Variants in DMD observed in about 807,000 individuals in gnomAD.
DMD encodes the protein dystrophin, also known as mutant dystrophin.
In DMD, 63 loss-of-function variants were observed where a neutral mutation model predicts 330.1. The ratio of observed to expected loss-of-function variants is 0.19; its 90% CI spans 0.16 to 0.24. The LOEUF (loss-of-function observed/expected upper bound fraction) is 0.24, where lower values mean the gene tolerates loss of function less well. Among genes scored for constraint, DMD ranks in the 10% least tolerant of loss-of-function variants. DMD has a pLI of 1.00. For synonymous variants in DMD, 1,223 were observed against 959.8 expected (o/e 1.27, Z -5.07); for missense variants, 3,344 against 2,684.1 (o/e 1.25, Z -5.43).
At chrX:32,751,130 A>G (rs2070756543) in intron 7 of DMD, among the ~76,000 whole-genome samples, 1 of 111,782 alleles carries the variant, frequency 8.9e-6, no homozygotes, top group South Asian at 3.8e-4. Flanking sequence ...TGGTACCAGT[A>G]GAGTGGGGTG....
intron 30 of DMD, among the ~76,000 whole-genome samples, chrX:32,393,344 T>G (rs1455041317): frequency 1.8e-5 from 2 of 109,481 alleles, no homozygotes; most frequent in African/African-American, 6.6e-5. Context: ...GCATAAGGAG[T>G]TTGGCAAAAT....
At chrX:33,255,113 AAC>A (rs1028237111) in intron 1 of DMD, among the ~76,000 whole-genome samples, 10 of 111,116 alleles carry the variant, frequency 9.0e-5, no homozygotes, top group African/African-American at 3.2e-4. Flanking sequence ...TTCTTGGTGT[AAC>A]ACTCTTGATC....
At chrX:32,110,718 T>C (rs1490410474) in intron 44 of DMD, among the ~76,000 whole-genome samples, 1 of 112,048 alleles carries the variant, frequency 8.9e-6, no homozygotes, top group Non-Finnish European at 1.9e-5. Flanking sequence ...AATTCCGATG[T>C]AGTCACAAGA....
At chrX:33,164,822 C>CAG (rs1282640124) in intron 1 of DMD, among the ~76,000 whole-genome samples, 10 of 110,840 alleles carry the variant, frequency 9.0e-5, no homozygotes, top group Non-Finnish European at 1.9e-5. Flanking sequence ...CACTCTCCTA[C>CAG]AGAGGCCAGA....
intron 55 of DMD, among the ~76,000 whole-genome samples, chrX:31,528,611 G>A (rs2073430112): frequency 8.9e-6 from 1 of 112,252 alleles, no homozygotes; most frequent in Admixed American, 9.4e-5. Context: ...AATAAATCGA[G>A]CTTAATTTTT....
chrX:32,468,472 G>A (rs775148223), intron 23 of DMD, 26 bp downstream of exon 23: 12 of 1,139,824 alleles, frequency 1.1e-5, no homozygotes, highest in Middle Eastern at 2.6e-4. Flanking sequence ...ATAAAAATGA[G>A]GGTAGAAAGT....
intron 67 of DMD, among the ~76,000 whole-genome samples, chrX:31,195,692 T>G (rs5927699): frequency 9.8e-6 from 1 of 102,253 alleles, no homozygotes; most frequent in African/African-American, 3.6e-5. Flanking sequence ...GTGATAGAAA[T>G]GGAAGGAAGA....
chrX:32,348,129 C>A (rs192799355), intron 38 of DMD, among the ~76,000 whole-genome samples: 2 of 110,204 alleles, frequency 1.8e-5, no homozygotes, highest in African/African-American at 6.6e-5. Flanking sequence ...CTCTTTTTTC[C>A]AATTACATTT....
Position 32,272,831 on chromosome X carries a change from T to C in DMD, c.6290+14698A>G, listed in dbSNP as rs749889806. ...TCCAGAAAAAGTAATGTCTTGAAAT[T>C]TCAGTACATTGTCATAATATCAGCT... On this transcript the variant is annotated intron_variant, in intron 43 of 78. Transcript: ENST00000357033. Among the ~76,000 whole-genome samples, 75 of 112,072 alleles carry C rather than the reference T, an allele frequency of 6.7e-4. 1 individual carries two copies. Among genetic ancestry groups the C allele is most frequent in the African/African-American group, 2.4e-3 (73 of 30,917 alleles).
intron 11 of DMD, among the ~76,000 whole-genome samples, chrX:32,627,046 G>T (rs2058388803): frequency 9.7e-6 from 1 of 103,093 alleles, no homozygotes; most frequent in Non-Finnish European, 1.9e-5. Flanking sequence ...AATTCAATCA[G>T]AATATCTGGG....
At chrX:31,284,557 T>TTTTTTCTTCTTCTTTCTTCTTC (rs2052885922) in intron 62 of DMD, among the ~76,000 whole-genome samples, 1 of 78,064 alleles carries the variant, frequency 1.3e-5, no homozygotes, top group African/African-American at 5.2e-5. Context: ...TAACGAACTG[T>TTTTTTCTTCTTCTTTCTTCTTC]TTCTTCTTCT....
chrX:32,894,759 G>A (rs1353694382), intron 2 of DMD, among the ~76,000 whole-genome samples: 1 of 111,918 alleles, frequency 8.9e-6, no homozygotes, highest in African/African-American at 3.3e-5. Flanking sequence ...ATTGCAATCA[G>A]GTGCATTTAC....
In DMD at chrX:32,936,240, T is replaced by C. The variant is rs186658343; in HGVS notation, c.93+83899A>G. On this transcript the variant is annotated intron_variant, in intron 2 of 78. Coordinates refer to ENST00000357033, the MANE Select transcript of DMD (RefSeq NM_004006.3). Reference sequence around the variant, plus strand: ...GATTCTCCTGCCTCAGACTCCGGAGTAGCTGGGGTTACAGGCATGCACCAC... The same window carrying C: ...GATTCTCCTGCCTCAGACTCCGGAGCAGCTGGGGTTACAGGCATGCACCAC... Among the ~76,000 whole-genome samples the C allele has an allele frequency of 3.1e-4, 34 of 109,519 alleles. 1 individual carries two copies. Among genetic ancestry groups the C allele is most frequent in the Admixed American group, 3.0e-3 (31 of 10,178 alleles).
Position 33,232,036 on chromosome X carries a change from T to C in DMD, c.7+107223A>G, listed in dbSNP as rs959037557. Among the ~76,000 whole-genome samples the C allele has an allele frequency of 1.1e-4, 12 of 111,791 alleles. No individual in the cohort carries two copies. In the East Asian group the frequency reaches 2.3e-3, roughly 21 times the overall value. ...CCAAGCCAGCAAGAAAAGAGTGTAC[T>C]GAAATATTTAAAATTTAGAGAGAAA... On this transcript the variant is annotated intron_variant, in intron 1 of 17. Transcript: ENST00000288447.
intron 55 of DMD, among the ~76,000 whole-genome samples, chrX:31,588,697 T>A (rs1258784715): frequency 9.0e-6 from 1 of 110,797 alleles, no homozygotes; most frequent in Admixed American, 9.7e-5. Context: ...CTCTCTATAT[T>A]GTCATTCAGT....
chrX:32,925,080 G>C (rs1430180270), intron 2 of DMD, among the ~76,000 whole-genome samples: 1 of 104,793 alleles, frequency 9.5e-6, no homozygotes, highest in East Asian at 3.0e-4. Flanking sequence ...AGGGATTCCA[G>C]GAATATGATT....
At chrX:31,250,655 A>C (rs5972352) in intron 63 of DMD, among the ~76,000 whole-genome samples, 32,680 of 110,881 alleles carry the variant, frequency 0.29, 4,084 homozygotes, top group African/African-American at 0.48. Flanking sequence ...ATGATCAATG[A>C]ATTCATCTCA....
intron 52 of DMD, among the ~76,000 whole-genome samples, chrX:31,709,610 G>GTA (rs1201983636): frequency 2.8e-5 from 3 of 108,781 alleles, no homozygotes; most frequent in Non-Finnish European, 3.8e-5. Context: ...GTGTGTGTGT[G>GTA]TGTGTGGTGT....
At chrX:33,174,444 T>A (rs752957690) in intron 1 of DMD, among the ~76,000 whole-genome samples, 1 of 112,277 alleles carries the variant, frequency 8.9e-6, no homozygotes, top group African/African-American at 3.2e-5. Flanking sequence ...ACTTAATTAA[T>A]TTTTGTTATT....
Sources: gnomAD v4.1 joint callset for allele counts (sites outside exome capture counted in the v4.1 genomes callset) on GRCh38, gnomAD v4.1.1 for gene constraint, MANE v1.5 for transcripts, NCBI Gene and HGNC (gene_info 2026-07-23, HGNC 2026-07-21) for gene names.